The following TNFRSF21 variants were observed in gnomAD, a reference collection of about 807,000 sequenced individuals.
TNFRSF21 encodes tumor necrosis factor receptor superfamily member 21.
TNFRSF21 carries 19 observed loss-of-function variants against 45.6 expected under a neutral mutation model. The observed-to-expected ratio is 0.42, with a 90% confidence interval of 0.29 to 0.61. TNFRSF21 has a LOEUF of 0.61. Ranked by LOEUF, TNFRSF21 falls within the 20% of genes least tolerant of loss-of-function variation. The pLI is 0.23. For synonymous variants in TNFRSF21, 314 were observed against 335.5 expected, an observed-to-expected ratio of 0.94 and a Z score of 0.70; for missense variants, 737 against 851.5, an observed-to-expected ratio of 0.87 and a Z score of 1.67.
intron 3 of TNFRSF21, among the ~76,000 whole-genome samples, chr6:47,274,865 GC>G (rs1762474847): frequency 6.6e-6 from 1 of 152,180 alleles, no homozygotes; most frequent in South Asian, 2.1e-4. Flanking sequence ...AGACATCTAT[GC>G]AGCCAACAGA....
intron 1 of TNFRSF21, among the ~76,000 whole-genome samples, chr6:47,309,215 C>G (rs1301355344): frequency 6.6e-6 from 1 of 152,206 alleles, no homozygotes; most frequent in Non-Finnish European, 1.5e-5. Flanking sequence ...CCAGCCCCGG[C>G]TGAGCCCTGA....
intron 1 of TNFRSF21, among the ~76,000 whole-genome samples, chr6:47,306,600 T>C (rs112781364): frequency 1.1e-3 from 173 of 152,362 alleles, no homozygotes; most frequent in African/African-American, 3.9e-3. Context: ...GCAATTGCTC[T>C]CTCTATACAT....
At chr6:47,282,368 G>C (rs1762580144) in intron 3 of TNFRSF21, among the ~76,000 whole-genome samples, 1 of 135,192 alleles carries the variant, frequency 7.4e-6, no homozygotes, top group African/African-American at 2.8e-5. Context: ...TGAGCAACAA[G>C]AGCTAAATTC....
chr6:47,291,668 T>G (rs1232363700), intron 1 of TNFRSF21, among the ~76,000 whole-genome samples: 1 of 152,252 alleles, frequency 6.6e-6, no homozygotes, highest in East Asian at 1.9e-4. Flanking sequence ...CCCCCATCTC[T>G]GCCTAAACCA....
intron 1 of TNFRSF21, among the ~76,000 whole-genome samples, chr6:47,289,378 A>G (rs1264806857): frequency 2.0e-5 from 3 of 152,208 alleles, no homozygotes; most frequent in Non-Finnish European, 4.4e-5. Flanking sequence ...CCCCTGTCCC[A>G]GAGCTGCCTA....
chr6:47,247,910 G>C (rs531454220), intron 4 of TNFRSF21, among the ~76,000 whole-genome samples: 1 of 152,094 alleles, frequency 6.6e-6, no homozygotes, highest in Non-Finnish European at 1.5e-5. Flanking sequence ...AAACATTGGC[G>C]GTGGGTCCAC....
intron 1 of TNFRSF21, among the ~76,000 whole-genome samples, chr6:47,307,751 GT>G (rs1053521646): frequency 6.6e-6 from 1 of 152,132 alleles, no homozygotes; most frequent in Non-Finnish European, 1.5e-5. Flanking sequence ...CAAGACCTTT[GT>G]TTAATTACCT....
intron 3 of TNFRSF21, among the ~76,000 whole-genome samples, chr6:47,273,079 A>C (rs1762450603): frequency 6.6e-6 from 1 of 152,234 alleles, no homozygotes. Flanking sequence ...AAATTCTACC[A>C]GAAGTACAAA....
chr6:47,309,290 G>A, intron 1 of TNFRSF21, 126 bp downstream of exon 1: 2 of 1,335,406 alleles, frequency 1.5e-6, no homozygotes, highest in Non-Finnish European at 2.0e-6. Flanking sequence ...ACCCCTCAGT[G>A]CCCGTAACCC....
intron 1 of TNFRSF21, among the ~76,000 whole-genome samples, chr6:47,302,600 C>T (rs1442102603): frequency 6.6e-6 from 1 of 152,214 alleles, no homozygotes; most frequent in Non-Finnish European, 1.5e-5. Context: ...GCACACCCTT[C>T]CCTTTCAATC....
intron 3 of TNFRSF21, among the ~76,000 whole-genome samples, chr6:47,276,348 T>G (rs1762498231): frequency 1.3e-5 from 2 of 152,336 alleles, no homozygotes; most frequent in African/African-American, 4.8e-5. Context: ...CTCCCACTCA[T>G]AGCTGATGGT....
chr6:47,309,437 C>A lies in TNFRSF21; in HGVS notation c.75G>T (p.Met25Ile). The change falls in exon 1 of 6, where the codon ATG (methionine) becomes ATT (isoleucine). Residue 25 changes from methionine (M) to isoleucine (I), a missense_variant. Transcript: ENST00000296861. Reference protein sequence around the residue: ...SRIARRATATMIAGSLLLLGF... With the variant: ...SRIARRATATIIAGSLLLLGF... ...TCACCAGGAGAAGGGAGCCCGCGAT[C>A]ATCGTGGCTGTGGCTCGGCGGGCGA... 5 of 1,552,080 alleles carry A rather than the reference C, an allele frequency of 3.2e-6. No homozygotes were observed. Among genetic ancestry groups the A allele is most frequent in the Non-Finnish European group, 4.3e-6 (5 of 1,156,078 alleles).
intron 4 of TNFRSF21, among the ~76,000 whole-genome samples, chr6:47,237,021 G>A (rs182258729): frequency 6.6e-6 from 1 of 152,194 alleles, no homozygotes; most frequent in East Asian, 1.9e-4. Flanking sequence ...TAAAACTTAA[G>A]CACATGATTT....
intron 3 of TNFRSF21, among the ~76,000 whole-genome samples, chr6:47,265,028 G>A (rs1019480888): frequency 6.6e-6 from 1 of 152,236 alleles, no homozygotes; most frequent in Non-Finnish European, 1.5e-5. Flanking sequence ...ATCTGGCAAA[G>A]GAGGGAAAGC....
Position 47,284,273 on chromosome 6 carries a change from C to T in TNFRSF21, c.908G>A (p.Gly303Asp), listed in dbSNP as rs779890920. 1 of 1,611,796 alleles carries T rather than the reference C, an allele frequency of 6.2e-7. No individual in the cohort carries two copies. The highest frequency in any genetic ancestry group is 8.5e-7 in the Non-Finnish European group (1 of 1,178,838). ...PNLQVVNHQQGPHHRHILKLL... is the reference protein window; with the variant it reads ...PNLQVVNHQQDPHHRHILKLL... Reference sequence around the variant, plus strand: ...CTTCAGGATGTGTCTGTGGTGGGGGCCTTGCTGGTGGTTGACTACCTGAAG... The same window carrying T: ...CTTCAGGATGTGTCTGTGGTGGGGGTCTTGCTGGTGGTTGACTACCTGAAG... The change falls in exon 3 of 6, where the codon GGC becomes GAC. Residue 303 changes from glycine (G) to aspartate (D), a missense_variant. Physicochemically the swap from Gly to Asp is moderately conservative, Grantham distance 94. Coordinates refer to ENST00000296861, the MANE Select transcript of TNFRSF21 (RefSeq NM_014452.5).
At chr6:47,297,625 C>A (rs142188055) in intron 1 of TNFRSF21, among the ~76,000 whole-genome samples, 3 of 150,796 alleles carry the variant, frequency 2.0e-5, no homozygotes, top group East Asian at 2.0e-4. Context: ...TGGGTTCATG[C>A]AATTCGAGTG....
At chr6:47,239,269 GA>G (rs1308090092) in intron 4 of TNFRSF21, among the ~76,000 whole-genome samples, 48 of 115,396 alleles carry the variant, frequency 4.2e-4, no homozygotes, top group African/African-American at 1.5e-3. Context: ...CTGGGCAACA[GA>G]GCAAGACTCC....
chr6:47,251,045 C>T (rs1764893605), intron 4 of TNFRSF21, among the ~76,000 whole-genome samples: 1 of 152,164 alleles, frequency 6.6e-6, no homozygotes, highest in South Asian at 2.1e-4. Flanking sequence ...TATCCCCAAA[C>T]TATCTTATTA....
chr6:47,295,391 T>C (rs968093745), intron 1 of TNFRSF21, among the ~76,000 whole-genome samples: 7 of 152,192 alleles, frequency 4.6e-5, no homozygotes, highest in African/African-American at 1.7e-4. Flanking sequence ...AAGGCGGAAA[T>C]AAACTTTTTT....
Sources: gnomAD v4.1 joint callset for allele counts (sites outside exome capture counted in the v4.1 genomes callset) on GRCh38, gnomAD v4.1.1 for gene constraint, MANE v1.5 for transcripts, NCBI Gene and HGNC (gene_info 2026-07-23, HGNC 2026-07-21) for gene names.